Variants in DGKI observed in about 807,000 individuals in gnomAD.
DGKI encodes diacylglycerol kinase iota, also known as DAG kinase iota.
DGKI carries 55 observed loss-of-function variants against 147.5 expected under a neutral mutation model. The ratio of observed to expected loss-of-function variants is 0.37; its 90% CI spans 0.30 to 0.47. DGKI has a LOEUF of 0.47. Among genes scored for constraint, DGKI ranks in the 20% least tolerant of loss-of-function variants. DGKI has a pLI of 1.00. For synonymous variants in DGKI, 469 were observed against 477.1 expected (o/e 0.98, Z 0.22); for missense variants, 1,007 against 1,323.8 (o/e 0.76, Z 3.71).
At chr7:137,825,924 C>T (rs926378876) in intron 1 of DGKI, among the ~76,000 whole-genome samples, 2 of 151,946 alleles carry the variant, frequency 1.3e-5, no homozygotes, top group Non-Finnish European at 2.9e-5. Flanking sequence ...TATTAAGTAA[C>T]AAGAAAAAAA....
intron 23 of DGKI, among the ~76,000 whole-genome samples, chr7:137,472,426 T>TACA (rs1260817805): frequency 1.0e-4 from 14 of 139,632 alleles, no homozygotes; most frequent in African/African-American, 1.6e-4. Flanking sequence ...CATATACATA[T>TACA]TATATGTACA....
At chr7:137,630,735 A>AT (rs891042682) in intron 6 of DGKI, among the ~76,000 whole-genome samples, 1 of 152,134 alleles carries the variant, frequency 6.6e-6, no homozygotes, top group Non-Finnish European at 1.5e-5. Context: ...GGACAAAAAT[A>AT]TTTTTTTCAG....
chr7:137,797,762 A>G (rs1797078033), intron 1 of DGKI, among the ~76,000 whole-genome samples: 1 of 152,088 alleles, frequency 6.6e-6, no homozygotes, highest in Non-Finnish European at 1.5e-5. Context: ...AAAAAATATA[A>G]AGAAAGATTT....
chr7:137,629,948 T>C (rs574652852), intron 6 of DGKI, among the ~76,000 whole-genome samples: 13 of 152,306 alleles, frequency 8.5e-5, no homozygotes, highest in African/African-American at 2.9e-4. Flanking sequence ...AAAACCTAAG[T>C]TTTCTAAATT....
At chr7:137,663,063 TAA>T (rs959188958) in intron 3 of DGKI, among the ~76,000 whole-genome samples, 1 of 152,228 alleles carries the variant, frequency 6.6e-6, no homozygotes, top group African/African-American at 2.4e-5. Context: ...TTATCCTACA[TAA>T]GAGAAGATTC....
At position 137,388,983 on chromosome 7, in the gene DGKI, T is replaced by C. The variant is rs1291894909; in HGVS notation, c.*2237A>G. ...TGGAAGTATTTAGAGAAATGTGAGA[T>C]GGTAGTTGATGAAAACAGAGTTCTT... On this transcript the variant is annotated 3_prime_UTR_variant, in exon 33 of 33. Transcript: ENST00000614521. 1 of 152,190 alleles carries C rather than the reference T, an allele frequency of 6.6e-6. No individual in the cohort carries two copies. The highest frequency in any genetic ancestry group is 1.5e-5 in the Non-Finnish European group (1 of 68,032). 9.4% of individuals were successfully genotyped at this position (152,190 alleles called of 1,614,324 possible). A position where few individuals can be genotyped will look rare whatever the true frequency, so the allele number is the denominator to read the frequency against.
At chr7:137,790,522 CT>C (rs1484393261) in intron 1 of DGKI, among the ~76,000 whole-genome samples, 5 of 152,224 alleles carry the variant, frequency 3.3e-5, no homozygotes, top group African/African-American at 1.2e-4. Flanking sequence ...GCTCAGATGC[CT>C]GGCATGGGGC....
chr7:137,649,773 G>GTATATATA (rs146209874), intron 5 of DGKI, among the ~76,000 whole-genome samples: 20 of 142,062 alleles, frequency 1.4e-4, no homozygotes, highest in African/African-American at 5.1e-4. Context: ...ATATATATAT[G>GTATATATA]TATATATATA....
intron 1 of DGKI, among the ~76,000 whole-genome samples, chr7:137,835,821 T>G (rs1021456044): frequency 1.3e-5 from 2 of 152,206 alleles, no homozygotes; most frequent in Admixed American, 1.3e-4. Flanking sequence ...TTCCATAGAT[T>G]CATGTGTTGA....
intron 19 of DGKI, among the ~76,000 whole-genome samples, chr7:137,562,041 T>G (rs1818435557): frequency 6.6e-6 from 1 of 152,194 alleles, no homozygotes; most frequent in African/African-American, 2.4e-5. Flanking sequence ...TCATTGAAAT[T>G]AAAGAAAAAT....
At chr7:137,721,994 G>A (rs57957290) in intron 1 of DGKI, 137,275 of 1,556,696 alleles carry the variant, frequency 0.088, 10,389 homozygotes, top group African/African-American at 0.32. Context: ...AAGATGGCGG[G>A]TGAAAAAGTT....
At chr7:137,798,906 T>C (rs1797113297) in intron 1 of DGKI, among the ~76,000 whole-genome samples, 1 of 152,116 alleles carries the variant, frequency 6.6e-6, no homozygotes, top group Non-Finnish European at 1.5e-5. Flanking sequence ...ACCCACATGA[T>C]CATCTCAATA....
At chr7:137,464,994 T>C (rs1814599498) in intron 26 of DGKI, among the ~76,000 whole-genome samples, 1 of 152,210 alleles carries the variant, frequency 6.6e-6, no homozygotes. Flanking sequence ...GTGCTTACAC[T>C]AGGACCTGGC....
At chr7:137,661,612 G>C (rs903885948) in intron 3 of DGKI, among the ~76,000 whole-genome samples, 2 of 152,112 alleles carry the variant, frequency 1.3e-5, no homozygotes, top group Non-Finnish European at 1.5e-5. Flanking sequence ...TCCTAGATGG[G>C]AAGATTCACC....
intron 16 of DGKI, among the ~76,000 whole-genome samples, chr7:137,577,927 C>T (rs1585249499): frequency 6.6e-6 from 1 of 152,126 alleles, no homozygotes; most frequent in East Asian, 1.9e-4. Flanking sequence ...ACCTAAAATT[C>T]TTCAGACATC....
At chr7:137,499,127 C>T (rs1380149184) in intron 21 of DGKI, among the ~76,000 whole-genome samples, 1 of 152,116 alleles carries the variant, frequency 6.6e-6, no homozygotes, top group Non-Finnish European at 1.5e-5. Context: ...TTAGTTTTTT[C>T]AAAACCACTC....
At chr7:137,398,193 C>A (rs979022181) in intron 30 of DGKI, among the ~76,000 whole-genome samples, 1 of 152,184 alleles carries the variant, frequency 6.6e-6, no homozygotes, top group Non-Finnish European at 1.5e-5. Flanking sequence ...TATGTACTGA[C>A]CCTATTTCCT....
intron 5 of DGKI, among the ~76,000 whole-genome samples, chr7:137,650,686 G>A (rs1364643508): frequency 6.6e-6 from 1 of 152,172 alleles, no homozygotes; most frequent in Non-Finnish European, 1.5e-5. Flanking sequence ...CCCAAAGATG[G>A]CCCTCACTAG....
chr7:137,550,733 A>G (rs1818017846), intron 20 of DGKI, among the ~76,000 whole-genome samples: 1 of 152,238 alleles, frequency 6.6e-6, no homozygotes, highest in East Asian at 1.9e-4. Flanking sequence ...GTTATTAAAT[A>G]CAGAAGCAGC....
Sources: allele counts gnomAD v4.1 joint callset (sites outside exome capture counted in the v4.1 genomes callset), GRCh38; gene constraint gnomAD v4.1.1; transcripts MANE v1.5; gene names NCBI Gene and HGNC (gene_info 2026-07-23, HGNC 2026-07-21).